Variants in OTUD7A observed in about 807,000 individuals in gnomAD.
OTUD7A encodes OTU deubiquitinase 7A.
A neutral mutation model predicts 65.7 loss-of-function variants in OTUD7A; 12 were observed. The observed-to-expected ratio is 0.18, with a 90% CI of 0.12 to 0.30. The LOEUF (loss-of-function observed/expected upper bound fraction) is 0.30, where lower values mean the gene tolerates loss of function less well. Ranked by LOEUF, OTUD7A falls within the 10% of genes least tolerant of loss-of-function variation. The pLI is 1.00. For synonymous variants in OTUD7A, 641 were observed against 586.3 expected, an observed-to-expected ratio of 1.09 and a Z score of -1.35; for missense variants, 1,148 against 1,304.8, an observed-to-expected ratio of 0.88 and a Z score of 1.85.
At chr15:31,728,734 T>G (rs1328584549) in intron 1 of OTUD7A, among the ~76,000 whole-genome samples, 13 of 152,260 alleles carry the variant, frequency 8.5e-5, no homozygotes, top group Non-Finnish European at 1.5e-5. Context: ...CACCTTTATT[T>G]TCTCACGAAC....
At chr15:31,734,014 C>G (rs1265509062) in intron 1 of OTUD7A, among the ~76,000 whole-genome samples, 1 of 152,032 alleles carries the variant, frequency 6.6e-6, no homozygotes, top group Non-Finnish European at 1.5e-5. Context: ...AATACACTGT[C>G]AAGCAGAGTT....
chr15:31,722,300 T>C (rs3874359), intron 1 of OTUD7A, among the ~76,000 whole-genome samples: 2 of 151,830 alleles, frequency 1.3e-5, no homozygotes, highest in African/African-American at 2.4e-5. Flanking sequence ...CTGCCACAGC[T>C]CCCATCTAGA....
rs1188044655 is a variant in OTUD7A, at chr15:31,562,530, A to G, written c.332-3343T>C. Among the ~76,000 whole-genome samples the G allele has an allele frequency of 2.6e-5, 4 of 152,042 alleles. No individual in the cohort carries two copies. In the East Asian group the frequency reaches 7.8e-4, roughly 30 times the overall value. ...TTCCCCTCACTCCTATCTCCAGATG[A>G]CCGGCGCCTCCCCGTGTGGCCCTGC... On this transcript the variant is annotated intron_variant, in intron 4 of 12. Coordinates refer to ENST00000307050, the MANE Select transcript of OTUD7A (RefSeq NM_001382637.1).
At chr15:31,799,393 C>T (rs538405037) in intron 1 of OTUD7A, among the ~76,000 whole-genome samples, 1 of 152,320 alleles carries the variant, frequency 6.6e-6, no homozygotes, top group South Asian at 2.1e-4. Context: ...TTTCTGTCCA[C>T]CCCATATCCC....
At chr15:31,801,212 C>A (rs912644735) in intron 1 of OTUD7A, among the ~76,000 whole-genome samples, 4 of 152,236 alleles carry the variant, frequency 2.6e-5, no homozygotes, top group African/African-American at 9.6e-5. Flanking sequence ...CCAGGGCCAG[C>A]GGGCATTGCT....
rs71113403 is a variant in OTUD7A at position 31,626,883 on chromosome 15, G to GTT, written c.151+28211_151+28212dup. Among the ~76,000 whole-genome samples the GTT allele has an allele frequency of 5.6e-4, 82 of 146,344 alleles. No homozygotes were observed. The East Asian group carries it at 5.9e-3, about 11-fold the overall frequency. ...GAGCCACTGCACCCGGCCTATATTT[G>GTT]TTTTTTTTTTGTTTTGTTTTTTTGT... is the stretch of plus-strand genomic sequence containing the variant. On this transcript the variant is annotated intron_variant, in intron 3 of 12. Coordinates refer to ENST00000307050, the MANE Select transcript of OTUD7A (RefSeq NM_001382637.1).
chr15:31,670,990 G>T (rs761585876), intron 1 of OTUD7A, among the ~76,000 whole-genome samples: 1 of 148,042 alleles, frequency 6.8e-6, no homozygotes, highest in East Asian at 1.9e-4. Flanking sequence ...GCGAGACTCC[G>T]TCTCAAAAAA....
rs181740921 is a variant in OTUD7A, at chr15:31,790,648, G to C, written c.-100+79859C>G. Among the ~76,000 whole-genome samples, 41 of 152,316 alleles carry C rather than the reference G, an allele frequency of 2.7e-4. 2 individuals carry two copies. The East Asian group carries it at 4.0e-3, about 15-fold the overall frequency. On this transcript the variant is annotated intron_variant, in intron 1 of 12. Transcript: ENST00000307050. Reference sequence around the variant, plus strand: ...GGGTGTGAACCTGGCCTGTGACCTGGTTCTGCACCCATTAATGAGCTGCCT... The same window carrying C: ...GGGTGTGAACCTGGCCTGTGACCTGCTTCTGCACCCATTAATGAGCTGCCT...
intron 1 of OTUD7A, among the ~76,000 whole-genome samples, chr15:31,710,939 G>A (rs143207164): frequency 4.6e-5 from 7 of 152,144 alleles, no homozygotes; most frequent in African/African-American, 1.2e-4. Flanking sequence ...ATGGCCGTGC[G>A]GCTGGGTGAA....
At chr15:31,544,584 T>C (rs377146329) in intron 5 of OTUD7A, among the ~76,000 whole-genome samples, 4 of 151,984 alleles carry the variant, frequency 2.6e-5, no homozygotes, top group South Asian at 2.1e-4. Flanking sequence ...TTTAGTTTTG[T>C]TATTACACCA....
At chr15:31,554,240 C>T (rs987533327) in intron 5 of OTUD7A, among the ~76,000 whole-genome samples, 4 of 152,164 alleles carry the variant, frequency 2.6e-5, no homozygotes, top group Non-Finnish European at 4.4e-5. Flanking sequence ...CCTTGTTCAT[C>T]GGCTTTCTTC....
chr15:31,610,218 T>C (rs1890360458), intron 3 of OTUD7A, among the ~76,000 whole-genome samples: 1 of 152,130 alleles, frequency 6.6e-6, no homozygotes, highest in African/African-American at 2.4e-5. Flanking sequence ...AGGAGGGGTA[T>C]TATATAATGC....
At chr15:31,503,228 CTT>C (rs1277833413) in intron 9 of OTUD7A, among the ~76,000 whole-genome samples, 1 of 152,254 alleles carries the variant, frequency 6.6e-6, no homozygotes, top group Admixed American at 6.5e-5. Context: ...GCCCTTGCCT[CTT>C]TCTCTGCCAG....
rs141726233 is a variant in OTUD7A, at chr15:31,665,838, C to T, written c.-99-8761G>A. Among the ~76,000 whole-genome samples, 692 of 152,154 alleles carry T rather than the reference C, an allele frequency of 4.5e-3. 3 individuals carry two copies. The highest frequency in any genetic ancestry group is 0.016 in the African/African-American group (665 of 41,500). ...ACATTGAGGTATGTCCCTTGTATGCCGATTTTGCTGAGAGTTTTAATCATA... is the reference window on the plus strand; with the variant it reads ...ACATTGAGGTATGTCCCTTGTATGCTGATTTTGCTGAGAGTTTTAATCATA... On this transcript the variant is annotated intron_variant, in intron 1 of 12. Coordinates refer to ENST00000307050, the MANE Select transcript of OTUD7A (RefSeq NM_001382637.1).
intron 1 of OTUD7A, chr15:31,766,585 T>C: frequency 6.2e-7 from 1 of 1,612,834 alleles, no homozygotes; most frequent in Admixed American, 1.7e-5. Context: ...GGTTTCATGG[T>C]AATTTCAGCC....
At chr15:31,597,310 C>T (rs1889934596) in intron 3 of OTUD7A, among the ~76,000 whole-genome samples, 1 of 152,092 alleles carries the variant, frequency 6.6e-6, no homozygotes, top group African/African-American at 2.4e-5. Context: ...CTTTCCATAG[C>T]CCTTTTTTGG....
intron 3 of OTUD7A, among the ~76,000 whole-genome samples, chr15:31,621,289 G>A (rs1890773804): frequency 6.6e-6 from 1 of 152,164 alleles, no homozygotes; most frequent in South Asian, 2.1e-4. Flanking sequence ...AGGTCTGCCT[G>A]CTGCAGAGCT....
chr15:31,726,357 A>G lies in OTUD7A; in HGVS notation c.-99-69280T>C, dbSNP rs1240385389. On this transcript the variant is annotated intron_variant, in intron 1 of 12. Coordinates refer to ENST00000307050, the MANE Select transcript of OTUD7A (RefSeq NM_001382637.1). ...CACACACACACACACGCACACACAC[A>G]CACACACACACTTTGTGAAATAGTG... Among the ~76,000 whole-genome samples the G allele has an allele frequency of 4.0e-5, 6 of 151,844 alleles. No homozygotes were observed. In the South Asian group the frequency reaches 1.0e-3, roughly 26 times the overall value.
At chr15:31,734,345 A>G (rs1894127484) in intron 1 of OTUD7A, among the ~76,000 whole-genome samples, 1 of 152,252 alleles carries the variant, frequency 6.6e-6, no homozygotes, top group Non-Finnish European at 1.5e-5. Flanking sequence ...CAATTTATAA[A>G]TTCAATGCTA....
Sources: gnomAD v4.1 joint callset for allele counts (sites outside exome capture counted in the v4.1 genomes callset) on GRCh38, gnomAD v4.1.1 for gene constraint, MANE v1.5 for transcripts, NCBI Gene and HGNC (gene_info 2026-07-23, HGNC 2026-07-21) for gene names.